Variants in PRKG1 observed in about 807,000 individuals in gnomAD.
PRKG1 encodes protein kinase cGMP-dependent 1, also known as cGMP-dependent protein kinase 1.
PRKG1 carries 35 observed loss-of-function variants against 88.1 expected under a neutral mutation model. That is an observed-to-expected ratio of 0.40 (90% CI 0.30 to 0.53). The LOEUF (loss-of-function observed/expected upper bound fraction) is 0.53, where lower values mean the gene tolerates loss of function less well. Among genes scored for constraint, PRKG1 ranks in the 20% least tolerant of loss-of-function variants. The pLI, the probability that PRKG1 is intolerant of heterozygous loss-of-function variation, is 0.59. For synonymous variants in PRKG1, 303 were observed against 292.5 expected, an observed-to-expected ratio of 1.04 and a Z score of -0.37; for missense variants, 540 against 839.8, an observed-to-expected ratio of 0.64 and a Z score of 4.41.
intron 3 of PRKG1, among the ~76,000 whole-genome samples, chr10:51,663,529 A>T (rs1360192479): frequency 6.6e-6 from 1 of 151,108 alleles, no homozygotes; most frequent in African/African-American, 2.4e-5. Context: ...ACATAGCAAG[A>T]CCCCATCTCT....
chr10:51,876,406 C>G (rs1268921901), intron 4 of PRKG1, among the ~76,000 whole-genome samples: 1 of 152,112 alleles, frequency 6.6e-6, no homozygotes, highest in African/African-American at 2.4e-5. Context: ...AAAGAAAAAC[C>G]CTTGCTGTCA....
chr10:51,029,003 TC>T (rs1414568492), intron 1 of PRKG1, among the ~76,000 whole-genome samples: 2 of 152,158 alleles, frequency 1.3e-5, no homozygotes, highest in Admixed American at 6.6e-5. Context: ...CAAGATAACT[TC>T]CTTCCACTCC....
At chr10:51,614,309 C>A (rs1838988358) in intron 3 of PRKG1, among the ~76,000 whole-genome samples, 2 of 151,742 alleles carry the variant, frequency 1.3e-5, no homozygotes, top group Non-Finnish European at 2.9e-5. Flanking sequence ...CAGAGCTACT[C>A]CTGCTAGTTT....
chr10:51,379,470 T>C (rs1287841293), intron 2 of PRKG1, among the ~76,000 whole-genome samples: 2 of 152,230 alleles, frequency 1.3e-5, no homozygotes, highest in African/African-American at 4.8e-5. Context: ...GGTCATTATC[T>C]TTAATAAAAT....
chr10:51,723,447 GA>G (rs1384309004), intron 3 of PRKG1, among the ~76,000 whole-genome samples: 1 of 152,120 alleles, frequency 6.6e-6, no homozygotes, highest in Non-Finnish European at 1.5e-5. Context: ...ACAGGGAAGA[GA>G]ACATCACACA....
chr10:51,905,949 A>C (rs531284445), intron 4 of PRKG1, among the ~76,000 whole-genome samples: 1 of 152,318 alleles, frequency 6.6e-6, no homozygotes, highest in South Asian at 2.1e-4. Flanking sequence ...TAATTCTAGC[A>C]GAGAAGACAT....
intron 1 of PRKG1, among the ~76,000 whole-genome samples, chr10:51,088,131 A>T (rs1844301891): frequency 6.6e-6 from 1 of 152,190 alleles, no homozygotes; most frequent in African/African-American, 2.4e-5. Context: ...ATTCATACAT[A>T]GAAAGTTTTC....
At chr10:51,488,275 G>A (rs764192033) in intron 3 of PRKG1, among the ~76,000 whole-genome samples, 3 of 152,166 alleles carry the variant, frequency 2.0e-5, no homozygotes, top group Non-Finnish European at 2.9e-5. Context: ...ACATTTTAAC[G>A]TGACAATTCT....
intron 2 of PRKG1, among the ~76,000 whole-genome samples, chr10:51,247,900 A>G (rs1292319637): frequency 1.3e-5 from 2 of 151,796 alleles, no homozygotes; most frequent in Non-Finnish European, 2.9e-5. Context: ...CCTGTGCATG[A>G]AGGTCACTTC....
intron 1 of PRKG1, among the ~76,000 whole-genome samples, chr10:51,085,531 C>G (rs1056297659): frequency 6.6e-6 from 1 of 151,960 alleles, no homozygotes; most frequent in Non-Finnish European, 1.5e-5. Flanking sequence ...AATTGCTACT[C>G]TTTTATTTTT....
At chr10:51,064,986 G>A (rs1011735764) in intron 1 of PRKG1, among the ~76,000 whole-genome samples, 2 of 152,046 alleles carry the variant, frequency 1.3e-5, no homozygotes, top group African/African-American at 4.8e-5. Context: ...TTTGCTTCTT[G>A]AACTTTGTTT....
intron 2 of PRKG1, among the ~76,000 whole-genome samples, chr10:51,420,212 A>T (rs1004039504): frequency 6.6e-6 from 1 of 152,092 alleles, no homozygotes; most frequent in Admixed American, 6.6e-5. Flanking sequence ...GGAGCAAGAG[A>T]ATTGAGAGGT....
chr10:51,279,924 A>T (rs1201887100), intron 2 of PRKG1, among the ~76,000 whole-genome samples: 1 of 152,136 alleles, frequency 6.6e-6, no homozygotes, highest in African/African-American at 2.4e-5. Context: ...TTATGATGTT[A>T]GCTGGTTATT....
At chr10:51,456,729 C>G (rs1839596118) in intron 2 of PRKG1, among the ~76,000 whole-genome samples, 2 of 152,062 alleles carry the variant, frequency 1.3e-5, no homozygotes, top group African/African-American at 4.8e-5. Context: ...ACAAGGAATT[C>G]AAACCAGCAA....
At chr10:51,393,039 G>A (rs1434306455) in intron 2 of PRKG1, among the ~76,000 whole-genome samples, 23 of 139,490 alleles carry the variant, frequency 1.6e-4, no homozygotes, top group African/African-American at 3.5e-4. Flanking sequence ...GTTGCCGGGC[G>A]GAGGGGCTCC....
intron 7 of PRKG1, among the ~76,000 whole-genome samples, chr10:52,105,078 A>G (rs1847382576): frequency 6.6e-6 from 1 of 152,198 alleles, no homozygotes; most frequent in Admixed American, 6.5e-5. Context: ...GAATCATTGA[A>G]AAGAAGCCTT....
intron 3 of PRKG1, among the ~76,000 whole-genome samples, chr10:51,524,402 T>C (rs566446380): frequency 6.6e-6 from 1 of 152,296 alleles, no homozygotes; most frequent in Non-Finnish European, 1.5e-5. Flanking sequence ...TAGTCTCTGT[T>C]GGAACTATTC....
At chr10:51,837,893 T>C (rs1840171558) in intron 4 of PRKG1, among the ~76,000 whole-genome samples, 1 of 152,176 alleles carries the variant, frequency 6.6e-6, no homozygotes, top group Non-Finnish European at 1.5e-5. Flanking sequence ...CCCAACTTTT[T>C]GCTTTTCTGC....
rs375897556 is a variant in PRKG1, at chr10:51,505,050, C to T, written c.592+37214C>T. On this transcript the variant is annotated intron_variant, in intron 3 of 17. Transcript: ENST00000373980. ...AGAGAGGACATCTCTGTCTTGTGCC[C>T]GTTTTCAAAGGGAATGCTTCCAGTT... is the stretch of plus-strand genomic sequence containing the variant. Among the ~76,000 whole-genome samples, 7 of 151,402 alleles carry T rather than the reference C, an allele frequency of 4.6e-5. No homozygotes were observed. In the South Asian group the frequency reaches 1.3e-3, roughly 27 times the overall value.
Sources: gnomAD v4.1 joint callset for allele counts (sites outside exome capture counted in the v4.1 genomes callset) on GRCh38, gnomAD v4.1.1 for gene constraint, MANE v1.5 for transcripts, NCBI Gene and HGNC (gene_info 2026-07-23, HGNC 2026-07-21) for gene names.